The following CHRNE variants were observed in gnomAD, a reference collection of about 807,000 sequenced individuals.
The protein encoded by CHRNE is acetylcholine receptor subunit epsilon.
In CHRNE, 58 loss-of-function variants were observed where a neutral mutation model predicts 56.5. The observed-to-expected ratio is 1.03, with a 90% confidence interval of 0.83 to 1.28. CHRNE has a LOEUF of 1.28. CHRNE is among the 50% of genes most tolerant of loss of function. CHRNE has a pLI of 0.00. For synonymous variants in CHRNE, 385 were observed against 297.9 expected, an observed-to-expected ratio of 1.29 and a Z score of -3.01; for missense variants, 793 against 688.9, an observed-to-expected ratio of 1.15 and a Z score of -1.69.
intron 8 of CHRNE, 161 bp downstream of exon 8, chr17:4,900,632 G>C: frequency 6.7e-7 from 1 of 1,491,420 alleles, no homozygotes; most frequent in Non-Finnish European, 9.1e-7. Flanking sequence ...CAGTGAGGAG[G>C]ACGGCGGACC....
intron 8 of CHRNE, 130 bp from the exon 9 acceptor site, chr17:4,899,712 A>G: frequency 1.3e-6 from 2 of 1,517,914 alleles, no homozygotes; most frequent in Non-Finnish European, 1.8e-6. Flanking sequence ...CCCCTACACG[A>G]CGACAGACGC....
upstream of CHRNE, among the ~76,000 whole-genome samples, chr17:4,905,820 C>G (rs1340850298): frequency 6.6e-6 from 1 of 152,180 alleles, no homozygotes; most frequent in African/African-American, 2.4e-5. Flanking sequence ...GAGATCGTGC[C>G]ACTGCACTCC....
Position 4,902,311 on chromosome 17 carries a change from G to A in CHRNE, c.250C>T (p.Arg84Ter), listed in dbSNP as rs121909513. The part of the protein sequence containing the change: ...VWIGIDWQDY[R>*]LNYSKDDFGG... ...AAGTCGTCCTTGCTGTAGTTGAGTCGGTAATCCTGCCAATCCTAAGGGGTG... is the reference window on the plus strand; with the variant it reads ...AAGTCGTCCTTGCTGTAGTTGAGTCAGTAATCCTGCCAATCCTAAGGGGTG... Residue 84 changes from arginine to a stop codon, truncating the protein, a stop_gained, in exon 4 of 12, where the codon CGA becomes TGA. Coordinates refer to ENST00000649488, the MANE Select transcript of CHRNE (RefSeq NM_000080.4). LOFTEE classifies it high-confidence loss of function. The surrounding 1 kb of genome is among the most constrained non-coding windows in gnomAD (Gnocchi z 4.0). 4.3e-6 allele frequency: 7 copies of A among 1,614,040 alleles called. No individual in the cohort carries two copies. The highest frequency in any genetic ancestry group is 5.9e-6 in the Non-Finnish European group (7 of 1,180,040).
chr17:4,902,169 C>A lies in CHRNE; in HGVS notation c.344+48G>T, dbSNP rs928929092. The stretch of plus-strand genomic sequence containing the variant: ...CCCTTCCCCAACCAAGTCCAGCCCG[C>A]ACCCCAGGCCGGCTTCCCTCCAGCC... On this transcript the variant is annotated intron_variant, in intron 4 of 11. Coordinates refer to ENST00000649488, the MANE Select transcript of CHRNE (RefSeq NM_000080.4). The surrounding 1 kb of genome is among the most constrained non-coding windows in gnomAD (Gnocchi z 4.0). 6.2e-7 allele frequency: 1 copy of A among 1,613,710 alleles called. No individual in the cohort carries two copies. Among genetic ancestry groups the A allele is most frequent in the African/African-American group, 1.3e-5 (1 of 74,934 alleles).
chr17:4,900,268 G>A, intron 8 of CHRNE: 1 of 1,546,140 alleles, frequency 6.5e-7, no homozygotes, highest in Non-Finnish European at 8.7e-7. Context: ...CAGGAGGCGC[G>A]GCGACTAGAC....
In CHRNE at chr17:4,900,786, G is replaced by A. The variant is rs961101973; in HGVS notation, c.917+7C>T. On this transcript the variant is annotated splice_region_variant and intron_variant, in intron 8 of 11. Transcript: ENST00000649488. ...TGGCCACACCCCCGCGGGGGCTCCG[G>A]CTTCACCTGCCCAGGAGCGGCACGC... The A allele has an allele frequency of 2.5e-6, 4 of 1,612,224 alleles. No homozygotes were observed. Among genetic ancestry groups the A allele is most frequent in the Non-Finnish European group, 1.7e-6 (2 of 1,179,068 alleles).
upstream of CHRNE, among the ~76,000 whole-genome samples, chr17:4,907,366 A>G (rs1177997118): frequency 2.6e-5 from 4 of 151,940 alleles, no homozygotes; most frequent in East Asian, 7.8e-4. Context: ...GATCAAGACC[A>G]TCCTGGCTAG....
rs759708816 is a variant in CHRNE at position 4,902,659 on chromosome 17, T to C, written c.151A>G (p.Ile51Val). ...PVREPEDTVT[I>V]SLKVTLTNLI... ...TTCGTCAGGGTGACCTTGAGGCTGA[T>C]GGTGACAGTATCCTCAGGCTCCCGC... The change falls in exon 2 of 12, where the codon ATC becomes GTC. Residue 51 changes from isoleucine to valine, a missense_variant. Ile to Val is a conservative substitution (Grantham distance 29). Transcript: ENST00000649488. The surrounding 1 kb of genome is among the most constrained non-coding windows in gnomAD (Gnocchi z 4.0). 8 of 1,613,984 alleles carry C rather than the reference T, an allele frequency of 5.0e-6. No homozygotes were observed. Among genetic ancestry groups the C allele is most frequent in the Non-Finnish European group, 5.9e-6 (7 of 1,179,994 alleles).
At position 4,900,635 on chromosome 17, in the gene CHRNE, G is replaced by C. The variant is rs540766332; in HGVS notation, c.917+158C>G. 26 of 1,472,830 alleles carry C rather than the reference G, an allele frequency of 1.8e-5. No homozygotes were observed. In the East Asian group the frequency reaches 2.5e-4, roughly 14 times the overall value. The allele number at this position is 1,472,830 out of a possible 1,614,324, so 91.2% of individuals were successfully genotyped here. On this transcript the variant is annotated intron_variant, in intron 8 of 11. Coordinates refer to ENST00000649488, the MANE Select transcript of CHRNE (RefSeq NM_000080.4). ...GACGTCCAGCAGCAGTGAGGAGGAC[G>C]GCGGACCAGGGACTCCATCCCCGTA...
Position 4,900,803 on chromosome 17 carries a change from G to A in CHRNE, c.907C>T (p.Leu303Phe). The A allele has an allele frequency of 1.2e-6, 2 of 1,613,818 alleles. No individual in the cohort carries two copies. Among genetic ancestry groups the A allele is most frequent in the East Asian group, 2.2e-5 (1 of 44,862 alleles). ...KIPETSLSVP[L>F]LGRFLIFVMV... ...GGGCTCCGGCTTCACCTGCCCAGGA[G>A]CGGCACGCTCAGAGAAGTCTCTGGG... The change falls in exon 8 of 12, where the codon CTC becomes TTC. Residue 303 changes from leucine (L) to phenylalanine (F), a missense_variant. Physicochemically the swap from Leu to Phe is conservative, Grantham distance 22 (BLOSUM62 0). Transcript: ENST00000649488.
In CHRNE at chr17:4,901,983, A is replaced by G; in HGVS notation, c.449T>C (p.Val150Ala). 1 of 1,613,188 alleles carries G rather than the reference A, an allele frequency of 6.2e-7. No individual in the cohort carries two copies. The highest frequency in any genetic ancestry group is 8.5e-7 in the Non-Finnish European group (1 of 1,179,698). ...PPAIYRSVCA[V>A]EVTYFPFDWQ... The stretch of plus-strand genomic sequence containing the variant: ...ATCGAAGGGGAAGTAGGTGACCTCC[A>G]CTGCGCAGACGCTGCGGTAGATGGC... The change falls in exon 5 of 12, where the codon GTG (valine) becomes GCG (alanine). Residue 150 changes from valine to alanine, a missense_variant. By Grantham distance (64) the Val-to-Ala change is moderately conservative. Coordinates refer to ENST00000649488, the MANE Select transcript of CHRNE (RefSeq NM_000080.4).
intron 6 of CHRNE, 145 bp from the exon 7 acceptor site, chr17:4,901,335 C>A: frequency 1.0e-6 from 1 of 1,000,772 alleles, no homozygotes; most frequent in Admixed American, 2.0e-5. Context: ...AGGGCATTCT[C>A]GTTGAGGGTA....
chr17:4,899,223 C>G lies in CHRNE; in HGVS notation c.1194G>C (p.Gln398His). 6.2e-7 allele frequency: 1 copy of G among 1,606,936 alleles called. No individual in the cohort carries two copies. Among genetic ancestry groups the G allele is most frequent in the Admixed American group, 1.7e-5 (1 of 59,894 alleles). ...CCGTCCAGGTCCCCTGCCGGTGCCTCTGCCCCTCAAACACGAGCTCGCTCC... is the reference window on the plus strand; with the variant it reads ...CCGTCCAGGTCCCCTGCCGGTGCCTGTGCCCCTCAAACACGAGCTCGCTCC... ...KPRSELVFEGQRHRQGTWTAA... is the reference protein window; with the variant it reads ...KPRSELVFEGHRHRQGTWTAA... Residue 398 changes from glutamine to histidine, a missense_variant, in exon 10 of 12, where the codon CAG (glutamine) becomes CAC (histidine). By Grantham distance (24) the Gln-to-His change is conservative. Transcript: ENST00000649488.
intron 8 of CHRNE, 107 bp from the exon 9 acceptor site, chr17:4,899,689 C>T (rs890612632): frequency 1.4e-6 from 2 of 1,462,298 alleles, no homozygotes. Context: ...CTGGTTACGC[C>T]CTCCAGCTGC....
At chr17:4,903,951 G>A (rs1011710521), upstream of CHRNE, among the ~76,000 whole-genome samples, 15 of 152,104 alleles carry the variant, frequency 9.9e-5, no homozygotes, top group Non-Finnish European at 2.1e-4. Flanking sequence ...TCCGCCTCCC[G>A]GGTTCAAGCG....
upstream of CHRNE, among the ~76,000 whole-genome samples, chr17:4,904,596 A>T (rs754700508): frequency 6.6e-5 from 10 of 152,192 alleles, no homozygotes; most frequent in Admixed American, 1.3e-4. Flanking sequence ...AGCAATGATC[A>T]CTGTCCTGAA....
chr17:4,900,182 G>C, intron 8 of CHRNE: 1 of 1,544,530 alleles, frequency 6.5e-7, no homozygotes, highest in Non-Finnish European at 8.7e-7. Context: ...GCGGCGATCG[G>C]GTAGCGGGAA....
At position 4,902,239 on chromosome 17, in the gene CHRNE, G is replaced by T; in HGVS notation, c.322C>A (p.Pro108Thr). The change falls in exon 4 of 12, where the codon CCA (proline) becomes ACA (threonine). Residue 108 changes from proline (P) to threonine (T), a missense_variant. Pro to Thr is a conservative substitution (Grantham distance 38). Coordinates refer to ENST00000649488, the MANE Select transcript of CHRNE (RefSeq NM_000080.4). This position sits in a 1 kb window ranked among gnomAD's most constrained non-coding sequence, Gnocchi z 4.0. The part of the protein sequence containing the change: ...LRVPSELVWL[P>T]EIVLENNIDG... ...CACTTGTTTTCCAGCACAATCTCTG[G>T]CAGCCACACGAGTTCTGAAGGGACT... The T allele has an allele frequency of 6.2e-7, 1 of 1,614,062 alleles. No homozygotes were observed. Among genetic ancestry groups the T allele is most frequent in the Non-Finnish European group, 8.5e-7 (1 of 1,180,020 alleles).
Position 4,902,033 on chromosome 17 carries a change from G to A in CHRNE, c.399C>T (p.Gly133=), listed in dbSNP as rs751665448. The A allele has an allele frequency of 3.1e-6, 5 of 1,613,974 alleles. No individual in the cohort carries two copies. Among genetic ancestry groups the A allele is most frequent in the Non-Finnish European group, 4.2e-6 (5 of 1,180,054 alleles). Residue 133 remains glycine (G), a synonymous_variant, in exon 5 of 12, where the codon GGC becomes GGT. Transcript: ENST00000649488. This position sits in a 1 kb window ranked among gnomAD's most constrained non-coding sequence, Gnocchi z 4.0. ...AYDANVLVYE[G]GSVTWLPPAI... ...CCGGAGGCAGCCACGTCACGGAGCC[G>A]CCCTCGTAGACGAGCACGTTGGCGT...
Sources: allele counts gnomAD v4.1 joint callset (sites outside exome capture counted in the v4.1 genomes callset), GRCh38; gene constraint gnomAD v4.1.1; non-coding constraint Gnocchi (gnomAD v3.1); transcripts MANE v1.5; gene names NCBI Gene and HGNC (gene_info 2026-07-23, HGNC 2026-07-21).